Variants in UST observed in about 807,000 individuals in gnomAD.
UST encodes uronyl 2-sulfotransferase.
A neutral mutation model predicts 45.6 loss-of-function variants in UST; 21 were observed. The observed-to-expected ratio is 0.46, with a 90% confidence interval of 0.33 to 0.66. The LOEUF (loss-of-function observed/expected upper bound fraction) is 0.66, where lower values mean the gene tolerates loss of function less well. Among genes scored for constraint, UST ranks in the 30% least tolerant of loss-of-function variants. The pLI, the probability that UST is intolerant of heterozygous loss-of-function variation, is 0.02. For synonymous variants in UST, 215 were observed against 200.6 expected, an observed-to-expected ratio of 1.07 and a Z score of -0.61; for missense variants, 463 against 512.4, an observed-to-expected ratio of 0.90 and a Z score of 0.93.
At chr6:149,058,557 G>A (rs549813684) in intron 7 of UST, among the ~76,000 whole-genome samples, 18 of 152,262 alleles carry the variant, frequency 1.2e-4, no homozygotes, top group East Asian at 5.8e-4. Context: ...TGCTGCAATA[G>A]TATTTCTCTT....
At chr6:148,847,371 G>A (rs115941693) in intron 1 of UST, among the ~76,000 whole-genome samples, 50 of 152,388 alleles carry the variant, frequency 3.3e-4, no homozygotes, top group African/African-American at 1.1e-3. Flanking sequence ...ACGTGGGCTG[G>A]TGGATTGTGG....
chr6:148,950,468 G>T (rs1483928810), intron 3 of UST, among the ~76,000 whole-genome samples: 3 of 152,158 alleles, frequency 2.0e-5, no homozygotes, highest in Non-Finnish European at 2.9e-5. Context: ...CAGAATAAAT[G>T]TCAGAATTCC....
intron 1 of UST, among the ~76,000 whole-genome samples, chr6:148,792,333 G>C: frequency 6.6e-6 from 1 of 152,182 alleles, no homozygotes; most frequent in South Asian, 2.1e-4. Context: ...GCGTCATTCA[G>C]AGCTGACCCC....
At chr6:149,035,602 AC>A (rs1776229655) in intron 7 of UST, among the ~76,000 whole-genome samples, 1 of 152,150 alleles carries the variant, frequency 6.6e-6, no homozygotes, top group African/African-American at 2.4e-5. Flanking sequence ...AAAAAAAAAT[AC>A]AAAAATTAGC....
intron 5 of UST, among the ~76,000 whole-genome samples, chr6:148,975,108 A>T (rs1780991047): frequency 6.6e-6 from 1 of 152,252 alleles, no homozygotes; most frequent in African/African-American, 2.4e-5. Context: ...AAACCCTGTG[A>T]GATTAAGACA....
Position 148,769,750 on chromosome 6 carries a change from T to TTGTGTG in UST, c.247+22101_247+22106dup, listed in dbSNP as rs57316536. Reference sequence around the variant, plus strand: ...AGTATAGGAATGTAGGAGCCTGTGTTTGTGTGTGTGTGTGTGTGTGTGTGT... The same window carrying TTGTGTG: ...AGTATAGGAATGTAGGAGCCTGTGTTTGTGTGTGTGTGTGTGTGTGTGTGTGTGTGT... On this transcript the variant is annotated intron_variant, in intron 1 of 7. Coordinates refer to ENST00000367463, the MANE Select transcript of UST (RefSeq NM_005715.3). Among the ~76,000 whole-genome samples, 245 of 148,224 alleles carry TTGTGTG rather than the reference T, an allele frequency of 1.7e-3. 2 individuals are homozygous for TTGTGTG. The highest frequency in any genetic ancestry group is 5.1e-3 in the African/African-American group (206 of 40,584).
chr6:148,759,773 G>A (rs969085799), intron 1 of UST, among the ~76,000 whole-genome samples: 1 of 146,498 alleles, frequency 6.8e-6, no homozygotes, highest in African/African-American at 2.5e-5. Context: ...GTGTGAACCC[G>A]GGAGGTGGAG....
At chr6:149,007,735 A>G (rs1411295282) in intron 5 of UST, among the ~76,000 whole-genome samples, 1 of 151,896 alleles carries the variant, frequency 6.6e-6, no homozygotes, top group Non-Finnish European at 1.5e-5. Context: ...CCAGGCAAAC[A>G]TTTAAGACAG....
intron 5 of UST, among the ~76,000 whole-genome samples, chr6:149,002,366 A>T (rs1032903039): frequency 6.6e-6 from 1 of 152,228 alleles, no homozygotes; most frequent in Non-Finnish European, 1.5e-5. Context: ...TGATTAAATT[A>T]ATTTATTAAA....
At chr6:148,824,236 G>A (rs764938728) in intron 1 of UST, among the ~76,000 whole-genome samples, 4 of 152,206 alleles carry the variant, frequency 2.6e-5, no homozygotes, top group Non-Finnish European at 4.4e-5. Flanking sequence ...GAAGTTAGGT[G>A]TTGAGGGTTG....
At chr6:148,886,532 T>C (rs1347196165) in intron 1 of UST, among the ~76,000 whole-genome samples, 1 of 151,996 alleles carries the variant, frequency 6.6e-6, no homozygotes, top group East Asian at 1.9e-4. Flanking sequence ...TTAAGACAAA[T>C]TGGAGAAAGA....
At chr6:149,008,457 A>AT in intron 5 of UST, among the ~76,000 whole-genome samples, 2 of 152,292 alleles carry the variant, frequency 1.3e-5, no homozygotes, top group East Asian at 1.9e-4. Flanking sequence ...GCAGCACTTA[A>AT]TTCTCTCCTA....
intron 1 of UST, among the ~76,000 whole-genome samples, chr6:148,810,054 C>T (rs1401531466): frequency 1.3e-5 from 2 of 152,142 alleles, no homozygotes; most frequent in East Asian, 3.8e-4. Flanking sequence ...TTTTAAAATG[C>T]ATTGCCAAAG....
chr6:148,749,920 C>T lies in UST; in HGVS notation c.247+2243C>T, dbSNP rs778718347. On this transcript the variant is annotated intron_variant, in intron 1 of 7. Coordinates refer to ENST00000367463, the MANE Select transcript of UST (RefSeq NM_005715.3). Reference sequence around the variant, plus strand: ...CCTTGGCCAAATTTGTTCCCTGTTACGTAAATATAATGATTTTTGGGAAAA... The same window carrying T: ...CCTTGGCCAAATTTGTTCCCTGTTATGTAAATATAATGATTTTTGGGAAAA... Among the ~76,000 whole-genome samples the T allele has an allele frequency of 5.3e-5, 8 of 152,122 alleles. No homozygotes were observed. In the South Asian group the frequency reaches 6.2e-4, roughly 12 times the overall value.
At chr6:148,840,871 A>C (rs1290570020) in intron 1 of UST, among the ~76,000 whole-genome samples, 1 of 152,138 alleles carries the variant, frequency 6.6e-6, no homozygotes, top group African/African-American at 2.4e-5. Context: ...TCAGTCTTCC[A>C]CTGCGTTCAC....
chr6:148,820,279 A>G (rs1388443514), intron 1 of UST, among the ~76,000 whole-genome samples: 4 of 152,178 alleles, frequency 2.6e-5, no homozygotes, highest in Admixed American at 2.6e-4. Flanking sequence ...ACAAAACTCA[A>G]GGTAATCATA....
intron 1 of UST, among the ~76,000 whole-genome samples, chr6:148,865,738 T>C (rs1312273674): frequency 6.6e-6 from 1 of 150,976 alleles, no homozygotes; most frequent in Admixed American, 6.6e-5. Flanking sequence ...GGCAAATTAA[T>C]GTGGCTTAGA....
At chr6:149,041,242 G>A (rs1776308925) in intron 7 of UST, among the ~76,000 whole-genome samples, 2 of 152,222 alleles carry the variant, frequency 1.3e-5, no homozygotes, top group Admixed American at 6.5e-5. Flanking sequence ...CCTCTTGCTA[G>A]CCACTGCTGG....
intron 1 of UST, among the ~76,000 whole-genome samples, chr6:148,824,488 T>G (rs1044698094): frequency 3.3e-5 from 5 of 152,136 alleles, no homozygotes; most frequent in Non-Finnish European, 5.9e-5. Flanking sequence ...TTGGAGAGCT[T>G]TGGAGATCCA....
Sources: allele counts gnomAD v4.1 joint callset (sites outside exome capture counted in the v4.1 genomes callset), GRCh38; gene constraint gnomAD v4.1.1; transcripts MANE v1.5; gene names NCBI Gene and HGNC (gene_info 2026-07-23, HGNC 2026-07-21).